Variants in BCAR3 observed in about 807,000 individuals in gnomAD.
BCAR3 encodes breast cancer anti-estrogen resistance protein 3.
A neutral mutation model predicts 80.1 loss-of-function variants in BCAR3; 37 were observed. That is an observed-to-expected ratio of 0.46 (90% CI 0.36 to 0.61). BCAR3 has a LOEUF of 0.61. Ranked by LOEUF, BCAR3 falls within the 20% of genes least tolerant of loss-of-function variation. The pLI, the probability that BCAR3 is intolerant of heterozygous loss-of-function variation, is 0.00. For missense variants in BCAR3, 978 were observed against 1,068.2 expected, an observed-to-expected ratio of 0.92 and a Z score of 1.18; for synonymous variants, 389 against 418.9, an observed-to-expected ratio of 0.93 and a Z score of 0.87.
At chr1:93,780,518 A>G (rs1652727509) in intron 2 of BCAR3, among the ~76,000 whole-genome samples, 1 of 151,982 alleles carries the variant, frequency 6.6e-6, no homozygotes. Flanking sequence ...AAGCACAGGC[A>G]CAGAGACTGG....
At chr1:93,836,764 G>T (rs113272667) in intron 2 of BCAR3, among the ~76,000 whole-genome samples, 2 of 152,198 alleles carry the variant, frequency 1.3e-5, no homozygotes, top group Non-Finnish European at 2.9e-5. Flanking sequence ...GAAAATGGCC[G>T]GTTCCTGCCT....
chr1:93,644,834 G>T (rs1274169265), intron 2 of BCAR3, among the ~76,000 whole-genome samples: 3 of 152,128 alleles, frequency 2.0e-5, no homozygotes, highest in Non-Finnish European at 4.4e-5. Flanking sequence ...CTGAGCTCTG[G>T]ACCTCCTGTT....
chr1:93,655,200 T>C (rs1428403576), intron 2 of BCAR3, among the ~76,000 whole-genome samples: 2 of 152,186 alleles, frequency 1.3e-5, no homozygotes, highest in South Asian at 2.1e-4. Flanking sequence ...TTTATCATGA[T>C]AGCAATGGGA....
In BCAR3 at chr1:93,585,057, A is replaced by G. The variant is rs550638033; in HGVS notation, c.930-936T>C. 8 of 985,502 alleles carry G rather than the reference A, an allele frequency of 8.1e-6. No homozygotes were observed. The African/African-American group carries it at 1.2e-4, about 15-fold the overall frequency. 61.0% of individuals were successfully genotyped at this position (985,502 alleles called of 1,614,324 possible). ...ATTCCAGCAACCTTTCGAAGATAAG[A>G]CAAGACCGAGGGCAAATTACAAAAG... On this transcript the variant is annotated intron_variant, in intron 5 of 11. Coordinates refer to ENST00000260502, the MANE Select transcript of BCAR3 (RefSeq NM_003567.4).
rs371369457 is a variant in BCAR3, at chr1:93,644,158, T to C, written c.318-1815A>G. The stretch of plus-strand genomic sequence containing the variant: ...AAACTGTCCTTTGTGGGGGAAAATT[T>C]GCATCTGTAAAGAATCTCTAGTAAC... On this transcript the variant is annotated intron_variant, in intron 2 of 11. Transcript: ENST00000260502. 5.9e-5 allele frequency among the ~76,000 whole-genome samples: 9 copies of C among 152,372 alleles called. No homozygotes were observed. In the East Asian group the frequency reaches 1.2e-3, roughly 20 times the overall value.
intron 2 of BCAR3, among the ~76,000 whole-genome samples, chr1:93,668,279 G>C (rs568861105): frequency 4.6e-5 from 7 of 152,160 alleles, no homozygotes; most frequent in African/African-American, 1.7e-4. Flanking sequence ...CTGAGAATGC[G>C]TAGATCCTGG....
intron 11 of BCAR3, among the ~76,000 whole-genome samples, chr1:93,566,840 G>A (rs1476869345): frequency 1.3e-5 from 2 of 152,116 alleles, no homozygotes; most frequent in African/African-American, 4.8e-5. Context: ...TGATTCTCCT[G>A]CCTCAGCCTC....
At chr1:93,637,072 G>A (rs1163977418) in intron 3 of BCAR3, among the ~76,000 whole-genome samples, 1 of 151,846 alleles carries the variant, frequency 6.6e-6, no homozygotes, top group East Asian at 1.9e-4. Context: ...CTCCAGCCTG[G>A]GCAACAGAGT....
At chr1:93,822,186 CT>C (rs5776189) in intron 2 of BCAR3, among the ~76,000 whole-genome samples, 24,323 of 141,642 alleles carry the variant, frequency 0.17, 2,020 homozygotes, top group East Asian at 0.23. Context: ...TTTTTTTTTT[CT>C]TTTTTTTTTT....
chr1:93,739,604 T>C (rs1390910614), intron 2 of BCAR3, among the ~76,000 whole-genome samples: 1 of 152,232 alleles, frequency 6.6e-6, no homozygotes, highest in Non-Finnish European at 1.5e-5. Flanking sequence ...TGCTCTGCGA[T>C]TGTCATCTTG....
chr1:93,659,184 G>A (rs1647533065), intron 2 of BCAR3, among the ~76,000 whole-genome samples: 1 of 152,074 alleles, frequency 6.6e-6, no homozygotes, highest in Non-Finnish European at 1.5e-5. Context: ...ATAGCAACAG[G>A]TTTTTTGTTG....
At chr1:93,721,435 C>A (rs896463997) in intron 2 of BCAR3, among the ~76,000 whole-genome samples, 2 of 152,146 alleles carry the variant, frequency 1.3e-5, no homozygotes, top group African/African-American at 2.4e-5. Flanking sequence ...CCCTGGGAAG[C>A]CCTCCCTGAC....
chr1:93,654,841 C>G (rs1412164532), intron 2 of BCAR3, among the ~76,000 whole-genome samples: 2 of 152,134 alleles, frequency 1.3e-5, no homozygotes, highest in Non-Finnish European at 2.9e-5. Flanking sequence ...CCTTACCTAG[C>G]CTATTTAGAT....
intron 2 of BCAR3, among the ~76,000 whole-genome samples, chr1:93,748,948 T>C (rs535776617): frequency 6.6e-6 from 1 of 152,310 alleles, no homozygotes; most frequent in East Asian, 1.9e-4. Context: ...GAATCAACAT[T>C]TGACTGGGTC....
rs1672986282 is a variant in BCAR3, at chr1:93,567,185, G to T, written c.2299+94C>A. ...TCCATTCTTTAATCCTTCCTTTTTG[G>T]TCTTTTTCTAAGTGAAGTCAGCCAT... is the stretch of plus-strand genomic sequence containing the variant. On this transcript the variant is annotated intron_variant, in intron 11 of 11. Transcript: ENST00000260502. 26 of 1,430,774 alleles carry T rather than the reference G, an allele frequency of 1.8e-5. No homozygotes were observed. The Admixed American group carries it at 2.4e-4, about 13-fold the overall frequency. 88.6% of individuals were successfully genotyped at this position (1,430,774 alleles called of 1,614,324 possible).
chr1:93,690,854 G>A (rs1649162866), intron 3 of BCAR3, among the ~76,000 whole-genome samples: 1 of 152,258 alleles, frequency 6.6e-6, no homozygotes, highest in South Asian at 2.1e-4. Context: ...CGTTTTCTAG[G>A]CCATTTTCTT....
At chr1:93,747,294 TGAGGA>T (rs925275127) in intron 2 of BCAR3, among the ~76,000 whole-genome samples, 2 of 151,970 alleles carry the variant, frequency 1.3e-5, no homozygotes, top group African/African-American at 4.9e-5. Flanking sequence ...TCTGTTCAGG[TGAGGA>T]CTGATGCTGC....
rs561046977 is a variant in BCAR3, at chr1:93,729,711, G to A, written c.-62-23569C>T. Among the ~76,000 whole-genome samples the A allele has an allele frequency of 5.9e-5, 9 of 152,300 alleles. No individual in the cohort carries two copies. The South Asian group carries it at 1.7e-3, about 28-fold the overall frequency. On this transcript the variant is annotated intron_variant, in intron 2 of 13. Coordinates refer to the BCAR3 transcript ENST00000370244. ...AGTCATCAGGAGGGGTATACTGTGG[G>A]TGGGCAGCTCCCCTCAGAAGAAGGC...
At chr1:93,622,705 C>T (rs181992923) in intron 3 of BCAR3, among the ~76,000 whole-genome samples, 37 of 152,276 alleles carry the variant, frequency 2.4e-4, no homozygotes, top group Admixed American at 1.0e-3. Flanking sequence ...ATGGAAGGAC[C>T]TCATTGACTG....
Sources: allele counts gnomAD v4.1 joint callset (sites outside exome capture counted in the v4.1 genomes callset), GRCh38; gene constraint gnomAD v4.1.1; transcripts MANE v1.5; gene names NCBI Gene and HGNC (gene_info 2026-07-23, HGNC 2026-07-21).